Variants in DYTN observed in about 807,000 individuals in gnomAD.
DYTN encodes dystrotelin.
A neutral mutation model predicts 69.6 loss-of-function variants in DYTN; 75 were observed. That is an observed-to-expected ratio of 1.08 (90% confidence interval 0.89 to 1.31). The LOEUF is 1.31. Among genes scored for constraint, DYTN ranks in the 50% most tolerant of loss-of-function variants. The probability of loss-of-function intolerance (pLI) is 0.00; values close to 1 mark genes in which losing one functional copy is unlikely to be tolerated. For synonymous variants in DYTN, 252 were observed against 249.1 expected, an observed-to-expected ratio of 1.01 and a Z score of -0.11; for missense variants, 726 against 688.4, an observed-to-expected ratio of 1.05 and a Z score of -0.61.
At chr2:206,682,728 C>T (rs1432845375) in intron 9 of DYTN, among the ~76,000 whole-genome samples, 3 of 152,062 alleles carry the variant, frequency 2.0e-5, no homozygotes, top group African/African-American at 7.2e-5. Flanking sequence ...TGGTCAATAT[C>T]TCCCTGTGGA....
At chr2:206,710,044 T>C (rs1057430087) in intron 2 of DYTN, among the ~76,000 whole-genome samples, 2 of 152,340 alleles carry the variant, frequency 1.3e-5, no homozygotes, top group African/African-American at 4.8e-5. Flanking sequence ...AAATTCATGG[T>C]CCATGGGTTA....
chr2:206,675,337 A>G (rs1456730759), intron 9 of DYTN, among the ~76,000 whole-genome samples: 1 of 148,448 alleles, frequency 6.7e-6, no homozygotes, highest in African/African-American at 2.5e-5. Context: ...TTAAATATAT[A>G]TATTTTTTTC....
At chr2:206,668,754 C>T (rs1000278853) in intron 9 of DYTN, among the ~76,000 whole-genome samples, 1 of 152,116 alleles carries the variant, frequency 6.6e-6, no homozygotes. Context: ...ATTGTAATCC[C>T]CATAATCCCC....
chr2:206,655,463 G>T (rs1699437332), intron 11 of DYTN, among the ~76,000 whole-genome samples: 1 of 152,000 alleles, frequency 6.6e-6, no homozygotes, highest in Non-Finnish European at 1.5e-5. Flanking sequence ...AGGCTGGAGT[G>T]CAGTGGTGCA....
At chr2:206,668,199 A>G (rs1177743775) in intron 9 of DYTN, among the ~76,000 whole-genome samples, 1 of 152,190 alleles carries the variant, frequency 6.6e-6, no homozygotes, top group East Asian at 1.9e-4. Context: ...TGTTATGACC[A>G]CTAACGATGT....
intron 7 of DYTN, among the ~76,000 whole-genome samples, chr2:206,697,281 A>T (rs1392150055): frequency 6.6e-6 from 1 of 152,132 alleles, no homozygotes; most frequent in African/African-American, 2.4e-5. Context: ...CCAGTATAGA[A>T]CCCAGGTTTT....
chr2:206,705,823 G>T lies in DYTN; in HGVS notation c.347C>A (p.Thr116Asn). ...TGAAAGAGGGCTGTCTCCTGAGAGG[G>T]TTATTAGGGCAGCGGCCGCAGGCAT... ...QLMPAAAALI[T>N]LSGDSPLSKY... Residue 116 changes from threonine (T) to asparagine (N), a missense_variant, in exon 4 of 12, where the codon ACC becomes AAC. By Grantham distance (65) the Thr-to-Asn change is moderately conservative. Coordinates refer to ENST00000452335, the MANE Select transcript of DYTN (RefSeq NM_001093730.1). The T allele has an allele frequency of 6.2e-7, 1 of 1,613,904 alleles. No individual in the cohort carries two copies. Among genetic ancestry groups the T allele is most frequent in the African/African-American group, 1.3e-5 (1 of 75,046 alleles).
At chr2:206,661,324 C>T (rs2105887635) in intron 11 of DYTN, among the ~76,000 whole-genome samples, 1 of 152,294 alleles carries the variant, frequency 6.6e-6, no homozygotes, top group South Asian at 2.1e-4. Flanking sequence ...GAGAAGGCCT[C>T]CTCTGATGCA....
chr2:206,682,398 C>G (rs1181486873), intron 9 of DYTN, among the ~76,000 whole-genome samples: 1 of 152,094 alleles, frequency 6.6e-6, no homozygotes, highest in Non-Finnish European at 1.5e-5. Flanking sequence ...CAGCATTTGA[C>G]AGTAGAACAC....
intron 9 of DYTN, chr2:206,679,217 G>T (rs1384053457): frequency 1.3e-5 from 2 of 152,078 alleles, no homozygotes; most frequent in Non-Finnish European, 2.9e-5. Context: ...TAATTATCAG[G>T]TATGACATTG....
At chr2:206,651,942 A>G in intron 11 of DYTN, 21 bp from the exon 12 acceptor site, 2 of 1,597,628 alleles carry the variant, frequency 1.3e-6, no homozygotes, top group Non-Finnish European at 1.7e-6. Context: ...CAAACAAGAG[A>G]GTCATTTAGA....
chr2:206,693,069 C>A, intron 9 of DYTN, 106 bp downstream of exon 9: 1 of 1,420,428 alleles, frequency 7.0e-7, no homozygotes, highest in Non-Finnish European at 9.2e-7. Flanking sequence ...CTCCTCCTGC[C>A]TTGTCTAGGA....
intron 9 of DYTN, among the ~76,000 whole-genome samples, chr2:206,675,323 A>G (rs983432799): frequency 6.1e-5 from 9 of 147,960 alleles, no homozygotes; most frequent in Non-Finnish European, 1.0e-4. Context: ...ATCTTTAAAT[A>G]TATTTAAATA....
chr2:206,654,699 G>A (rs151012988), intron 11 of DYTN, among the ~76,000 whole-genome samples: 1 of 152,202 alleles, frequency 6.6e-6, no homozygotes, highest in African/African-American at 2.4e-5. Flanking sequence ...AGGACTCCCA[G>A]GCAACATTTG....
In DYTN at chr2:206,655,587, A is replaced by ATT. The variant is rs146939602; in HGVS notation, c.1634-3668_1634-3667dup. 3.2e-3 allele frequency among the ~76,000 whole-genome samples: 443 copies of ATT among 138,262 alleles called. 3 individuals are homozygous for ATT. Among genetic ancestry groups the ATT allele is most frequent in the African/African-American group, 0.011 (397 of 37,020 alleles). The allele number at this position is 138,262 out of a possible 152,430, so 90.7% of individuals were successfully genotyped here. ...AACACATCCAGCTAATTAAAAAAAAATTTTTTTTTTTTTTTTTGTAGAGAT... is the reference window on the plus strand; with the variant it reads ...AACACATCCAGCTAATTAAAAAAAAATTTTTTTTTTTTTTTTTTTGTAGAGAT... On this transcript the variant is annotated intron_variant, in intron 11 of 11. Transcript: ENST00000452335.
intron 1 of DYTN, among the ~76,000 whole-genome samples, chr2:206,712,150 C>T (rs72960730): frequency 0.22 from 33,447 of 152,072 alleles, 4,771 homozygotes; most frequent in East Asian, 0.43. Flanking sequence ...GCAGCAACAT[C>T]GCCTGGGAAC....
At chr2:206,664,661 A>G (rs1182576993) in intron 10 of DYTN, among the ~76,000 whole-genome samples, 2 of 152,172 alleles carry the variant, frequency 1.3e-5, no homozygotes, top group African/African-American at 2.4e-5. Context: ...GACCCTGTCT[A>G]AAATGTATAT....
Position 206,704,882 on chromosome 2 carries a change from A to G in DYTN, c.444T>C (p.Thr148=), listed in dbSNP as rs760885257. ...TTAGTAGTTTTCTCAAAACCCTTCG[A>G]GTCATGCGTGGCCCAGAATCATAGC... ...RGGYDSGPRM[T]RRVLRKLLTD... The change falls in exon 5 of 12, where the codon ACT becomes ACC. Residue 148 remains threonine (T), a synonymous_variant. Transcript: ENST00000452335. 6.2e-7 allele frequency: 1 copy of G among 1,613,876 alleles called. No individual in the cohort carries two copies. The highest frequency in any genetic ancestry group is 1.3e-5 in the African/African-American group (1 of 75,054).
intron 9 of DYTN, 132 bp downstream of exon 9, chr2:206,693,043 A>G: frequency 7.7e-7 from 1 of 1,296,986 alleles, no homozygotes. Flanking sequence ...AAATATCTGA[A>G]GTCCAACCCT....
Sources: gnomAD v4.1 joint callset for allele counts (sites outside exome capture counted in the v4.1 genomes callset) on GRCh38, gnomAD v4.1.1 for gene constraint, MANE v1.5 for transcripts, NCBI Gene and HGNC (gene_info 2026-07-23, HGNC 2026-07-21) for gene names.